The following ANKRD12 variants were observed in gnomAD, a reference collection of about 807,000 sequenced individuals.
ANKRD12 encodes the protein ankyrin repeat domain-containing protein 12.
Under a neutral mutation model 183.4 loss-of-function variants are expected in ANKRD12, and 85 were observed. The observed-to-expected ratio is 0.46, with a 90% CI of 0.39 to 0.56. The LOEUF is 0.56. Ranked by LOEUF, ANKRD12 falls within the 20% of genes least tolerant of loss-of-function variation. ANKRD12 has a pLI of 0.00. For synonymous variants in ANKRD12, 914 were observed against 800.2 expected, an observed-to-expected ratio of 1.14 and a Z score of -2.40; for missense variants, 2,405 against 2,357.1, an observed-to-expected ratio of 1.02 and a Z score of -0.42.
chr18:9,145,564 G>A (rs1313036889), intron 1 of ANKRD12, among the ~76,000 whole-genome samples: 1 of 152,192 alleles, frequency 6.6e-6, no homozygotes, highest in East Asian at 1.9e-4. Flanking sequence ...GAATCATTCT[G>A]TCTTGTTCTC....
intron 3 of ANKRD12, among the ~76,000 whole-genome samples, chr18:9,196,519 C>T (rs887721474): frequency 2.0e-5 from 3 of 152,104 alleles, no homozygotes; most frequent in Admixed American, 1.3e-4. Context: ...TCTGAGTTTA[C>T]GTACATAGAT....
chr18:9,218,696 A>C (rs1381820275), intron 7 of ANKRD12, among the ~76,000 whole-genome samples: 1 of 148,540 alleles, frequency 6.7e-6, no homozygotes, highest in Non-Finnish European at 1.5e-5. Context: ...TTGAGACAGC[A>C]TCTTGCTGTA....
At chr18:9,278,201 T>C (rs944911605) in intron 11 of ANKRD12, among the ~76,000 whole-genome samples, 10 of 152,328 alleles carry the variant, frequency 6.6e-5, no homozygotes, top group African/African-American at 1.2e-4. Context: ...GGAACTGTTA[T>C]CCACCCTTTT....
intron 2 of ANKRD12, among the ~76,000 whole-genome samples, chr18:9,183,065 A>G (rs1276946359): frequency 6.6e-6 from 1 of 152,178 alleles, no homozygotes; most frequent in African/African-American, 2.4e-5. Flanking sequence ...CATCACAATA[A>G]GGTTTTAGAA....
chr18:9,272,784 T>C (rs2039666585), intron 10 of ANKRD12, among the ~76,000 whole-genome samples: 1 of 152,204 alleles, frequency 6.6e-6, no homozygotes, highest in African/African-American at 2.4e-5. Context: ...TCTTTGAATA[T>C]CGTTTGTCAT....
chr18:9,216,702 G>T, intron 6 of ANKRD12, 56 bp from the exon 7 acceptor site: 10 of 1,558,596 alleles, frequency 6.4e-6, no homozygotes, highest in Non-Finnish European at 7.9e-6. Flanking sequence ...TATATGAAAA[G>T]CATATATTTT....
At chr18:9,198,921 G>A (rs2035005287) in intron 3 of ANKRD12, among the ~76,000 whole-genome samples, 1 of 151,974 alleles carries the variant, frequency 6.6e-6, no homozygotes, top group Admixed American at 6.6e-5. Context: ...AAAAAAATCA[G>A]GAAAATTGTG....
chr18:9,256,126 A>C lies in ANKRD12; in HGVS notation c.2859A>C (p.Glu953Asp). The C allele has an allele frequency of 6.4e-7, 1 of 1,560,270 alleles. No homozygotes were observed. Among genetic ancestry groups the C allele is most frequent in the Non-Finnish European group, 8.6e-7 (1 of 1,163,350 alleles). Residue 953 changes from glutamate (E) to aspartate (D), a missense_variant, in exon 9 of 13, where the codon GAA (glutamate) becomes GAC (aspartate). Glu to Asp is a conservative substitution (Grantham distance 45). Coordinates refer to ENST00000262126, the MANE Select transcript of ANKRD12 (RefSeq NM_015208.5). The stretch of plus-strand genomic sequence containing the variant: ...AATCAGAAAAAGGCAAAAATAAAGA[A>C]AAAGACAGGGAGCTAGATAAAAAGG... ...YSKSEKGKNK[E>D]KDRELDKKEK...
At chr18:9,267,196 C>T (rs2039342177) in intron 10 of ANKRD12, among the ~76,000 whole-genome samples, 1 of 152,174 alleles carries the variant, frequency 6.6e-6, no homozygotes, top group Non-Finnish European at 1.5e-5. Context: ...ACCCCACTGT[C>T]AACATTAGAC....
At chr18:9,218,568 A>G (rs8094556) in intron 7 of ANKRD12, among the ~76,000 whole-genome samples, 119,156 of 152,110 alleles carry the variant, frequency 0.78, 46,904 homozygotes, top group Middle Eastern at 0.88. Context: ...CTGTAGCCAG[A>G]TCTAAATTAT....
chr18:9,239,791 T>C (rs754374251), intron 8 of ANKRD12, among the ~76,000 whole-genome samples: 24 of 152,232 alleles, frequency 1.6e-4, no homozygotes. Context: ...AGATACACTT[T>C]AAGTGTTGAA....
At chr18:9,227,516 C>T (rs1304188016) in intron 8 of ANKRD12, among the ~76,000 whole-genome samples, 1 of 152,092 alleles carries the variant, frequency 6.6e-6, no homozygotes, top group East Asian at 1.9e-4. Context: ...CTATCAAAGA[C>T]TAATATAAGA....
At chr18:9,224,362 A>G (rs992986465) in intron 8 of ANKRD12, among the ~76,000 whole-genome samples, 3 of 152,214 alleles carry the variant, frequency 2.0e-5, no homozygotes, top group Non-Finnish European at 4.4e-5. Flanking sequence ...TCAGGTTGCC[A>G]TACTGTTAAA....
chr18:9,177,350 TC>T (rs1277961421), intron 1 of ANKRD12, among the ~76,000 whole-genome samples: 30 of 152,312 alleles, frequency 2.0e-4, no homozygotes, highest in African/African-American at 6.7e-4. Context: ...ATATGAGAGT[TC>T]CAGTTTCTCA....
intron 6 of ANKRD12, 82 bp from the exon 7 acceptor site, chr18:9,216,676 G>T: frequency 3.7e-6 from 5 of 1,366,720 alleles, no homozygotes; most frequent in Non-Finnish European, 2.0e-6. Flanking sequence ...GAATTTATAT[G>T]TCACACATTG....
intron 3 of ANKRD12, among the ~76,000 whole-genome samples, chr18:9,202,168 A>G (rs930247379): frequency 2.0e-5 from 3 of 152,216 alleles, no homozygotes; most frequent in Admixed American, 6.5e-5. Flanking sequence ...GAGAAAATTC[A>G]GAGAACACAG....
chr18:9,276,222 T>C (rs2039826141), intron 11 of ANKRD12, among the ~76,000 whole-genome samples: 1 of 152,140 alleles, frequency 6.6e-6, no homozygotes, highest in Non-Finnish European at 1.5e-5. Context: ...AAAGAAAGAA[T>C]TTAAAGATTA....
At chr18:9,228,316 G>A (rs1257423240) in intron 8 of ANKRD12, among the ~76,000 whole-genome samples, 1 of 152,156 alleles carries the variant, frequency 6.6e-6, no homozygotes, top group Non-Finnish European at 1.5e-5. Context: ...TTGATGTACT[G>A]ATTTCCTTTC....
intron 1 of ANKRD12, among the ~76,000 whole-genome samples, chr18:9,182,041 C>T (rs2033733079): frequency 6.6e-6 from 1 of 152,136 alleles, no homozygotes; most frequent in South Asian, 2.1e-4. Flanking sequence ...GACTTCCAAA[C>T]CAACACAAAA....
Sources: gnomAD v4.1 joint callset for allele counts (sites outside exome capture counted in the v4.1 genomes callset) on GRCh38, gnomAD v4.1.1 for gene constraint, MANE v1.5 for transcripts, NCBI Gene and HGNC (gene_info 2026-07-23, HGNC 2026-07-21) for gene names.